Variants in PDLIM5 observed in about 807,000 individuals in gnomAD.
The protein encoded by PDLIM5 is PDZ and LIM domain protein 5.
A neutral mutation model predicts 64.2 loss-of-function variants in PDLIM5; 34 were observed. The observed-to-expected ratio is 0.53, with a 90% CI of 0.40 to 0.71. PDLIM5 has a LOEUF of 0.71. Ranked by LOEUF, PDLIM5 falls within the 30% of genes least tolerant of loss-of-function variation. The pLI is 0.00. For missense variants in PDLIM5, 683 were observed against 733.6 expected (o/e 0.93, Z 0.80); for synonymous variants, 253 against 269.1 (o/e 0.94, Z 0.59).
At chr4:94,460,720 C>G (rs1033672573) in intron 2 of PDLIM5, among the ~76,000 whole-genome samples, 8 of 151,816 alleles carry the variant, frequency 5.3e-5, no homozygotes, top group African/African-American at 1.7e-4. Flanking sequence ...TTAGGTATAT[C>G]TACCTACTTA....
intron 3 of PDLIM5, among the ~76,000 whole-genome samples, chr4:94,545,501 GAGAA>G (rs1732233217): frequency 6.6e-6 from 1 of 152,156 alleles, no homozygotes; most frequent in Non-Finnish European, 1.5e-5. Flanking sequence ...GAAAAATTAT[GAGAA>G]AGAATGTTGC....
At chr4:94,529,023 G>A (rs1259951056) in intron 3 of PDLIM5, among the ~76,000 whole-genome samples, 2 of 152,240 alleles carry the variant, frequency 1.3e-5, no homozygotes, top group African/African-American at 4.8e-5. Context: ...TTAGAAGTAA[G>A]GTCAGAGAGG....
At chr4:94,518,860 A>G (rs186778982) in intron 2 of PDLIM5, among the ~76,000 whole-genome samples, 6 of 152,100 alleles carry the variant, frequency 3.9e-5, no homozygotes, top group Non-Finnish European at 7.4e-5. Flanking sequence ...TGCCTTCTAT[A>G]CCGGTACTCT....
intron 7 of PDLIM5, among the ~76,000 whole-genome samples, chr4:94,610,489 T>G (rs1738284386): frequency 6.6e-6 from 1 of 152,218 alleles, no homozygotes; most frequent in Non-Finnish European, 1.5e-5. Context: ...GGTTTTTTCT[T>G]AAAAAATCAC....
At chr4:94,645,234 G>C (rs540513883) in intron 9 of PDLIM5, among the ~76,000 whole-genome samples, 2 of 152,300 alleles carry the variant, frequency 1.3e-5, no homozygotes, top group Non-Finnish European at 1.5e-5. Flanking sequence ...CCAGGTTGCT[G>C]TGAATGCCAT....
At chr4:94,530,078 T>C (rs1730728610) in intron 3 of PDLIM5, among the ~76,000 whole-genome samples, 1 of 152,218 alleles carries the variant, frequency 6.6e-6, no homozygotes, top group South Asian at 2.1e-4. Flanking sequence ...GTTAGCTACA[T>C]AGTAGGACAT....
At chr4:94,625,589 A>T (rs910831282) in intron 8 of PDLIM5, among the ~76,000 whole-genome samples, 2 of 151,882 alleles carry the variant, frequency 1.3e-5, no homozygotes, top group Admixed American at 6.6e-5. Context: ...AGTAGCTGGG[A>T]CTACAGGCGC....
Position 94,498,379 on chromosome 4 carries a change from A to G in PDLIM5, c.97-25345A>G, listed in dbSNP as rs1251647265. Among the ~76,000 whole-genome samples, 3 of 152,184 alleles carry G rather than the reference A, an allele frequency of 2.0e-5. No individual in the cohort carries two copies. In the East Asian group the frequency reaches 5.8e-4, roughly 29 times the overall value. ...TATTCACAGTTCACGACTTTCACAC[A>G]TATGGGTCTTCTTTTTGAAATTCTT... On this transcript the variant is annotated intron_variant, in intron 2 of 12. Transcript: ENST00000317968.
At chr4:94,546,108 G>A (rs1252419732) in intron 3 of PDLIM5, among the ~76,000 whole-genome samples, 3 of 152,072 alleles carry the variant, frequency 2.0e-5, no homozygotes, top group African/African-American at 7.2e-5. Context: ...TTATACAAAT[G>A]ATGGATATAA....
chr4:94,473,415 C>A (rs1469970701), intron 2 of PDLIM5, among the ~76,000 whole-genome samples: 1 of 152,160 alleles, frequency 6.6e-6, no homozygotes, highest in Non-Finnish European at 1.5e-5. Flanking sequence ...GTTTGTGCCA[C>A]CATGCCAGGC....
At chr4:94,542,726 A>G (rs1187655987) in intron 3 of PDLIM5, among the ~76,000 whole-genome samples, 1 of 152,188 alleles carries the variant, frequency 6.6e-6, no homozygotes, top group Non-Finnish European at 1.5e-5. Flanking sequence ...AGCTACTTCC[A>G]GTAATCTCTA....
chr4:94,626,093 GA>G (rs1358777398), intron 8 of PDLIM5, among the ~76,000 whole-genome samples: 1 of 152,060 alleles, frequency 6.6e-6, no homozygotes, highest in Non-Finnish European at 1.5e-5. Context: ...AACGAAACGG[GA>G]AAAAACACAA....
intron 9 of PDLIM5, among the ~76,000 whole-genome samples, chr4:94,650,812 C>G (rs558644534): frequency 1.3e-5 from 2 of 150,686 alleles, no homozygotes; most frequent in Non-Finnish European, 3.0e-5. Context: ...CCTTTCTTCC[C>G]CCCACATGCC....
chr4:94,550,176 A>G (rs1732687952), intron 3 of PDLIM5, among the ~76,000 whole-genome samples: 1 of 152,038 alleles, frequency 6.6e-6, no homozygotes, highest in Non-Finnish European at 1.5e-5. Flanking sequence ...CTCACTTTAT[A>G]AGGTTTGCTT....
At chr4:94,470,019 T>C (rs995002020) in intron 2 of PDLIM5, among the ~76,000 whole-genome samples, 2 of 136,392 alleles carry the variant, frequency 1.5e-5, no homozygotes, top group African/African-American at 5.6e-5. Flanking sequence ...CAGGCTGGAG[T>C]GCAGTGGCGT....
At chr4:94,658,935 GT>G (rs1343107784) in intron 11 of PDLIM5, among the ~76,000 whole-genome samples, 1 of 152,082 alleles carries the variant, frequency 6.6e-6, no homozygotes, top group African/African-American at 2.4e-5. Flanking sequence ...TGATTTGTTT[GT>G]TTTAGCAGCT....
At chr4:94,453,867 T>C (rs527336250) in intron 1 of PDLIM5, among the ~76,000 whole-genome samples, 32 of 152,330 alleles carry the variant, frequency 2.1e-4, no homozygotes, top group African/African-American at 7.2e-4. Flanking sequence ...TAATGTGTTA[T>C]TGCCTTGTAG....
intron 3 of PDLIM5, among the ~76,000 whole-genome samples, chr4:94,532,584 C>T (rs2452571): frequency 0.47 from 72,001 of 151,990 alleles, 17,419 homozygotes; most frequent in African/African-American, 0.52. Flanking sequence ...GCAATCCTTC[C>T]GGGTGGCAGA....
intron 3 of PDLIM5, among the ~76,000 whole-genome samples, chr4:94,540,132 CT>C (rs10606217): frequency 0.22 from 30,790 of 140,350 alleles, 3,123 homozygotes; most frequent in African/African-American, 0.28. Context: ...TACTATTCTT[CT>C]TTTTTTTTTT....
Sources: allele counts gnomAD v4.1 joint callset (sites outside exome capture counted in the v4.1 genomes callset), GRCh38; gene constraint gnomAD v4.1.1; transcripts MANE v1.5; gene names NCBI Gene and HGNC (gene_info 2026-07-23, HGNC 2026-07-21).